LBX2: variants seen among roughly 807,000 people sequenced by gnomAD.
LBX2 encodes ladybird homeobox 2.
Under a neutral mutation model 7.5 loss-of-function variants are expected in LBX2, and 6 were observed. That is an observed-to-expected ratio of 0.80 (90% CI 0.44 to 1.59). The LOEUF (loss-of-function observed/expected upper bound fraction) is 1.59, where lower values mean the gene tolerates loss of function less well. LBX2 is among the 40% of genes most tolerant of loss of function. The pLI is 0.01. For missense variants in LBX2, 281 were observed against 282.0 expected (o/e 1.00, Z 0.03); for synonymous variants, 143 against 133.2 (o/e 1.07, Z -0.51).
At position 74,497,874 on chromosome 2, in the gene LBX2, G is replaced by C; in HGVS notation, c.*53C>G. The C allele has an allele frequency of 6.8e-7, 1 of 1,474,568 alleles. No homozygotes were observed. Among genetic ancestry groups the C allele is most frequent in the Non-Finnish European group, 9.0e-7 (1 of 1,111,598 alleles). 91.3% of individuals were successfully genotyped at this position (1,474,568 alleles called of 1,614,324 possible). A position where few individuals can be genotyped will look rare whatever the true frequency, so the allele number is the denominator to read the frequency against. On this transcript the variant is annotated 3_prime_UTR_variant, in exon 2 of 2. Coordinates refer to ENST00000377566, the MANE Select transcript of LBX2 (RefSeq NM_001282430.2). ...CTGGAACTCTGGCCAGAGGCAGAGC[G>C]CGAGGTGAGGAGTCCAGGGCCCCAG... is the stretch of plus-strand genomic sequence containing the variant.
In LBX2 at chr2:74,499,423, G is replaced by GACCCGA; in HGVS notation, c.109_114dup (p.Ser37_Gly38dup). On this transcript the variant is annotated inframe_insertion, in exon 1 of 2. Transcript: ENST00000377566. The surrounding 1 kb of genome is among the most constrained non-coding windows in gnomAD (Gnocchi z 4.6). ...GCGCACAGCGGCGACGTTGGACCCG[G>GACCCGA]ACCCGACTCTGGAAGCTGCGGCGCA... The GACCCGA allele has an allele frequency of 6.4e-7, 1 of 1,550,632 alleles. No individual in the cohort carries two copies. Among genetic ancestry groups the GACCCGA allele is most frequent in the Non-Finnish European group, 8.7e-7 (1 of 1,147,000 alleles).
chr2:74,498,763 C>A, intron 1 of LBX2: 1 of 200,902 alleles, frequency 5.0e-6, no homozygotes, highest in Non-Finnish European at 1.0e-5. Context: ...TCGGGTCGGG[C>A]ATTCGGTTTA....
chr2:74,499,716 C>A, upstream of LBX2: 1 of 641,686 alleles, frequency 1.6e-6, no homozygotes, highest in Non-Finnish European at 2.7e-6. This position sits in a 1 kb window ranked among gnomAD's most constrained non-coding sequence, Gnocchi z 4.6. Context: ...CGCGGTGGAT[C>A]TGGAGCTCCT....
In LBX2 at chr2:74,499,544, C is replaced by T. The variant is rs1453598362; in HGVS notation, c.-7G>A. ...GCTCGCGTCCCGAGTTCATGGTCGG[C>T]CGGGCTGGGGCGGTCCGGCTGTCCG... On this transcript the variant is annotated 5_prime_UTR_variant, in exon 1 of 2. Transcript: ENST00000377566. The surrounding 1 kb of genome is among the most constrained non-coding windows in gnomAD (Gnocchi z 4.6). 3 of 1,546,434 alleles carry T rather than the reference C, an allele frequency of 1.9e-6. No homozygotes were observed. In the East Asian group the frequency reaches 7.3e-5, roughly 38 times the overall value.
At chr2:74,503,014 G>A, upstream of LBX2, 1 of 626,906 alleles carries the variant, frequency 1.6e-6, no homozygotes, top group Non-Finnish European at 2.7e-6. This position sits in a 1 kb window ranked among gnomAD's most constrained non-coding sequence, Gnocchi z 5.1. Context: ...GCCCTCAGGC[G>A]AGAACCGACG....
Position 74,497,586 on chromosome 2 carries a change from T to C in LBX2, c.*341A>G, listed in dbSNP as rs1674378893. The C allele has an allele frequency of 4.6e-6, 1 of 217,406 alleles. No homozygotes were observed. The highest frequency in any genetic ancestry group is 2.3e-5 in the African/African-American group (1 of 43,568). 13.5% of individuals were successfully genotyped at this position (217,406 alleles called of 1,614,324 possible). A position where few individuals can be genotyped will look rare whatever the true frequency, so the allele number is the denominator to read the frequency against. Reference sequence around the variant, plus strand: ...CTGGACAACATAGCGGGACCTCCTCTCTAAAAAAAAAAGTTTTTTAAATTA... The same window carrying C: ...CTGGACAACATAGCGGGACCTCCTCCCTAAAAAAAAAAGTTTTTTAAATTA... On this transcript the variant is annotated 3_prime_UTR_variant, in exon 2 of 2. Transcript: ENST00000377566.
chr2:74,497,582 C>T lies in LBX2; in HGVS notation c.*345G>A, dbSNP rs1674378748. ...TAGCCTGGACAACATAGCGGGACCT[C>T]CTCTCTAAAAAAAAAAGTTTTTTAA... On this transcript the variant is annotated 3_prime_UTR_variant, in exon 2 of 2. Coordinates refer to ENST00000377566, the MANE Select transcript of LBX2 (RefSeq NM_001282430.2). 1 of 213,212 alleles carries T rather than the reference C, an allele frequency of 4.7e-6. No homozygotes were observed. The highest frequency in any genetic ancestry group is 2.3e-5 in the African/African-American group (1 of 43,494). The allele number at this position is 213,212 out of a possible 1,614,324, so 13.2% of individuals were successfully genotyped here. A position where few individuals can be genotyped will look rare whatever the true frequency, so the allele number is the denominator to read the frequency against.
Position 74,498,237 on chromosome 2 carries a change from T to C in LBX2, c.287A>G (p.Gln96Arg), listed in dbSNP as rs759348709. 2 of 1,605,690 alleles carry C rather than the reference T, an allele frequency of 1.2e-6. No homozygotes were observed. Among genetic ancestry groups the C allele is most frequent in the Non-Finnish European group, 1.7e-6 (2 of 1,178,516 alleles). ...GAAGCGCCGCTCCAGCTCCAGCACC[T>C]GTTGCGCGGTGAACGCAGTGCGTGA... ...RKSRTAFTAQ[Q>R]VLELERRFVF... The change falls in exon 2 of 2, where the codon CAG (glutamine) becomes CGG (arginine). Residue 96 changes from glutamine to arginine, a missense_variant. Physicochemically the swap from Gln to Arg is conservative, Grantham distance 43. Coordinates refer to ENST00000377566, the MANE Select transcript of LBX2 (RefSeq NM_001282430.2).
At position 74,497,651 on chromosome 2, in the gene LBX2, G is replaced by A. The variant is rs1674381003; in HGVS notation, c.*276C>T. 1 of 370,608 alleles carries A rather than the reference G, an allele frequency of 2.7e-6. No homozygotes were observed. Among genetic ancestry groups the A allele is most frequent in the Admixed American group, 4.2e-5 (1 of 23,688 alleles). The allele number at this position is 370,608 out of a possible 1,614,324, so 23.0% of individuals were successfully genotyped here. A position where few individuals can be genotyped will look rare whatever the true frequency, so the allele number is the denominator to read the frequency against. On this transcript the variant is annotated 3_prime_UTR_variant, in exon 2 of 2. Coordinates refer to ENST00000377566, the MANE Select transcript of LBX2 (RefSeq NM_001282430.2). ...TGCACGCCTGTAATGCCAGCTAGTC[G>A]GGAGGTTGAGGCAGGAGGATCGCTT...
Position 74,497,589 on chromosome 2 carries a change from A to C in LBX2, c.*338T>G, listed in dbSNP as rs183874491. 3 of 187,326 alleles carry C rather than the reference A, an allele frequency of 1.6e-5. No homozygotes were observed. The highest frequency in any genetic ancestry group is 1.2e-4 in the Admixed American group (2 of 16,796). 11.6% of individuals were successfully genotyped at this position (187,326 alleles called of 1,614,324 possible). A position where few individuals can be genotyped will look rare whatever the true frequency, so the allele number is the denominator to read the frequency against. On this transcript the variant is annotated 3_prime_UTR_variant, in exon 2 of 2. Coordinates refer to ENST00000377566, the MANE Select transcript of LBX2 (RefSeq NM_001282430.2). The stretch of plus-strand genomic sequence containing the variant: ...GACAACATAGCGGGACCTCCTCTCT[A>C]AAAAAAAAAGTTTTTTAAATTAGCC...
Position 74,498,022 on chromosome 2 carries a change from G to T in LBX2, c.502C>A (p.Pro168Thr). The T allele has an allele frequency of 6.2e-7, 1 of 1,612,668 alleles. No homozygotes were observed. The highest frequency in any genetic ancestry group is 8.5e-7 in the Non-Finnish European group (1 of 1,179,052). Residue 168 changes from proline (P) to threonine (T), a missense_variant, in exon 2 of 2, where the codon CCC becomes ACC. Transcript: ENST00000377566. ...SPEVLCSLAL[P>T]EGAPDPGLCL... ...AGGCCGGGATCTGGAGCGCCTTCGG[G>T]CAGTGCTAAGCTGCACAGGACTTCC...
upstream of LBX2, among the ~76,000 whole-genome samples, chr2:74,500,585 A>G (rs1433700559): frequency 8.5e-5 from 13 of 152,152 alleles, no homozygotes; most frequent in Non-Finnish European, 1.0e-4. Flanking sequence ...GAGGCCTGGT[A>G]TACTCATTCC....
In LBX2 at chr2:74,499,231, G is replaced by A; in HGVS notation, c.205+102C>T. ...TGGGCTGAGGACAGGGGAGGATTAG[G>A]GTGGGTGGCCTGGGCTGGGACAAAG... On this transcript the variant is annotated intron_variant, in intron 1 of 1. Transcript: ENST00000377566. The surrounding 1 kb of genome is among the most constrained non-coding windows in gnomAD (Gnocchi z 4.6). 1 of 1,030,674 alleles carries A rather than the reference G, an allele frequency of 9.7e-7. No individual in the cohort carries two copies. Among genetic ancestry groups the A allele is most frequent in the Non-Finnish European group, 1.5e-6 (1 of 687,092 alleles). 63.8% of individuals were successfully genotyped at this position (1,030,674 alleles called of 1,614,324 possible). A position where few individuals can be genotyped will look rare whatever the true frequency, so the allele number is the denominator to read the frequency against.
In LBX2 at chr2:74,499,433, T is replaced by G; in HGVS notation, c.105A>C (p.Pro35=). Residue 35 remains proline, a synonymous_variant, in exon 1 of 2, where the codon CCA becomes CCC. Coordinates refer to ENST00000377566, the MANE Select transcript of LBX2 (RefSeq NM_001282430.2). The surrounding 1 kb of genome is among the most constrained non-coding windows in gnomAD (Gnocchi z 4.6). ...GCGACGTTGGACCCGGACCCGACTC[T>G]GGAAGCTGCGGCGCAGAGGGTGCTC... ...VPRAPSAPQL[P]ESGPGPTSPL... The G allele has an allele frequency of 6.4e-7, 1 of 1,550,566 alleles. No individual in the cohort carries two copies.
chr2:74,500,095 G>A (rs1674453506), upstream of LBX2, among the ~76,000 whole-genome samples: 1 of 152,162 alleles, frequency 6.6e-6, no homozygotes, highest in Admixed American at 6.5e-5. Context: ...TTCTGGTCCT[G>A]ACGGCTGGAA....
chr2:74,502,649 A>G (rs1391556773), upstream of LBX2: 4 of 1,612,400 alleles, frequency 2.5e-6, no homozygotes, highest in African/African-American at 1.3e-5. The surrounding 1 kb of genome is among the most constrained non-coding windows in gnomAD (Gnocchi z 5.4). Flanking sequence ...ACCGGTCCTT[A>G]TATCTTAGTT....
upstream of LBX2, chr2:74,502,722 A>G (rs1028039121): frequency 6.2e-7 from 1 of 1,614,086 alleles, no homozygotes; most frequent in African/African-American, 1.3e-5. This position sits in a 1 kb window ranked among gnomAD's most constrained non-coding sequence, Gnocchi z 5.4. Flanking sequence ...TTTTGCAAAG[A>G]TCTCTGCGCG....
chr2:74,502,238 C>T (rs1284848647), upstream of LBX2: 1 of 192,956 alleles, frequency 5.2e-6, no homozygotes, highest in Non-Finnish European at 1.1e-5. The surrounding 1 kb of genome is among the most constrained non-coding windows in gnomAD (Gnocchi z 5.4). Flanking sequence ...CCCCTCAGCC[C>T]TACCCCCACC....
intron 1 of LBX2, chr2:74,498,788 C>A: frequency 5.1e-6 from 1 of 195,736 alleles, no homozygotes; most frequent in Non-Finnish European, 1.0e-5. Context: ...TCCTTAGTGA[C>A]ACCAGAGCCC....
Sources: gnomAD v4.1 joint callset for allele counts (sites outside exome capture counted in the v4.1 genomes callset) on GRCh38, gnomAD v4.1.1 for gene constraint, Gnocchi (gnomAD v3.1) non-coding constraint, MANE v1.5 for transcripts, NCBI Gene and HGNC (gene_info 2026-07-23, HGNC 2026-07-21) for gene names.